FAM107B: variants seen among roughly 807,000 people sequenced by gnomAD.
FAM107B encodes the protein family with sequence similarity 107 member B.
A neutral mutation model predicts 31.5 loss-of-function variants in FAM107B; 21 were observed. The ratio of observed to expected loss-of-function variants is 0.67; its 90% CI spans 0.47 to 0.96. FAM107B has a LOEUF of 0.96. FAM107B is among the 40% of genes least tolerant of loss of function. The pLI is 0.00. For missense variants in FAM107B, 452 were observed against 377.1 expected (o/e 1.20, Z -1.64); for synonymous variants, 157 against 141.5 (o/e 1.11, Z -0.78).
intron 2 of FAM107B, among the ~76,000 whole-genome samples, chr10:14,604,808 T>C (rs763626137): frequency 3.1e-4 from 47 of 152,094 alleles, no homozygotes; most frequent in Non-Finnish European, 6.0e-4. Flanking sequence ...TCTTTCTCTC[T>C]CCCTTAATCT....
chr10:14,530,073 A>T (rs1180652067), intron 3 of FAM107B: 2 of 364,386 alleles, frequency 5.5e-6, no homozygotes, highest in African/African-American at 4.2e-5. Context: ...CGAATTTGGA[A>T]ATACACATCC....
chr10:14,556,474 T>C (rs1051776011), intron 2 of FAM107B: 2 of 952,260 alleles, frequency 2.1e-6, no homozygotes, highest in African/African-American at 3.5e-5. Context: ...ATATTCATAT[T>C]TGTCAAGCCC....
intron 2 of FAM107B, among the ~76,000 whole-genome samples, chr10:14,565,082 T>C (rs1053272229): frequency 2.0e-5 from 3 of 152,132 alleles, no homozygotes; most frequent in African/African-American, 4.8e-5. Flanking sequence ...CTTTAAAAAA[T>C]TGGGCTGAAA....
chr10:14,744,045 G>A (rs1003909271), intron 1 of FAM107B, among the ~76,000 whole-genome samples: 2 of 152,132 alleles, frequency 1.3e-5, no homozygotes. Context: ...GTGGTTTGTA[G>A]TTCTCCTTGA....
intron 1 of FAM107B, among the ~76,000 whole-genome samples, chr10:14,737,884 C>T (rs1222994444): frequency 6.6e-6 from 1 of 151,568 alleles, no homozygotes; most frequent in Non-Finnish European, 1.5e-5. Flanking sequence ...GCAGTTCATC[C>T]CCCTGACTGG....
chr10:14,533,349 G>C (rs1847237493), intron 2 of FAM107B, among the ~76,000 whole-genome samples: 1 of 152,166 alleles, frequency 6.6e-6, no homozygotes, highest in African/African-American at 2.4e-5. Flanking sequence ...AGGAATCAAG[G>C]ATGACTTGGA....
At chr10:14,701,259 T>C (rs1029619128) in intron 1 of FAM107B, among the ~76,000 whole-genome samples, 2 of 152,100 alleles carry the variant, frequency 1.3e-5, no homozygotes, top group African/African-American at 4.8e-5. Context: ...TTTATTTATT[T>C]TTTGAGACAG....
At position 14,610,716 on chromosome 10, in the gene FAM107B, T is replaced by C. The variant is rs947280603; in HGVS notation, c.469+56918A>G. Among the ~76,000 whole-genome samples the C allele has an allele frequency of 4.6e-5, 7 of 152,240 alleles. No homozygotes were observed. In the South Asian group the frequency reaches 8.3e-4, roughly 18 times the overall value. On this transcript the variant is annotated intron_variant, in intron 2 of 4. Transcript: ENST00000181796. ...GCATGAGCATTTGTGATCACAGGAA[T>C]GGAATTACTTCATTAAATATGCTAA... is the stretch of plus-strand genomic sequence containing the variant.
chr10:14,694,240 G>C (rs147337006), intron 1 of FAM107B, among the ~76,000 whole-genome samples: 204 of 152,270 alleles, frequency 1.3e-3, no homozygotes, highest in African/African-American at 4.7e-3. Context: ...GTCTAACAGA[G>C]GGATTGCTAG....
chr10:14,756,086 T>C (rs1459801462), intron 1 of FAM107B, among the ~76,000 whole-genome samples: 3 of 152,174 alleles, frequency 2.0e-5, no homozygotes, highest in African/African-American at 7.2e-5. Flanking sequence ...CCCTGGCACA[T>C]AGGAAGAGCT....
chr10:14,541,965 T>C (rs1340268056), intron 2 of FAM107B, among the ~76,000 whole-genome samples: 1 of 152,096 alleles, frequency 6.6e-6, no homozygotes, highest in Non-Finnish European at 1.5e-5. Flanking sequence ...TATTAAAACG[T>C]ACTGAATGGG....
chr10:14,526,985 C>T (rs1415182961), intron 3 of FAM107B, among the ~76,000 whole-genome samples: 2 of 151,924 alleles, frequency 1.3e-5, no homozygotes, highest in Admixed American at 1.3e-4. Context: ...CTACAGGTGC[C>T]CACCAACACG....
In FAM107B at chr10:14,774,659, G is replaced by T; in HGVS notation, c.5C>A (p.Ser2Tyr). 6.2e-7 allele frequency: 1 copy of T among 1,612,044 alleles called. No individual in the cohort carries two copies. The highest frequency in any genetic ancestry group is 8.5e-7 in the Non-Finnish European group (1 of 1,178,756). The change falls in exon 1 of 5, where the codon TCC becomes TAC. Residue 2 changes from serine to tyrosine, a missense_variant. Physicochemically the swap from Ser to Tyr is moderately radical, Grantham distance 144. Transcript: ENST00000181796. M[S>Y]TWKARLTKRL... ...TTTGGTGAGTCTTGCTTTCCACGTG[G>T]ACATGACTTGCAGTGAATCATTGCA...
intron 2 of FAM107B, among the ~76,000 whole-genome samples, chr10:14,590,264 ATCTT>A (rs1851972251): frequency 6.6e-6 from 1 of 152,208 alleles, no homozygotes; most frequent in South Asian, 2.1e-4. Context: ...TAGTTTTCAC[ATCTT>A]TCTTTTAGGA....
chr10:14,589,117 A>G lies in FAM107B; in HGVS notation c.470-58602T>C, dbSNP rs533387163. Among the ~76,000 whole-genome samples, 7 of 151,548 alleles carry G rather than the reference A, an allele frequency of 4.6e-5. No homozygotes were observed. The South Asian group carries it at 1.3e-3, about 27-fold the overall frequency. On this transcript the variant is annotated intron_variant, in intron 2 of 4. Transcript: ENST00000181796. Reference sequence around the variant, plus strand: ...GAATCACTTGAGCCCAGGAGGTTGCAGTGAGCCGAGATAACATCACTGCAC... The same window carrying G: ...GAATCACTTGAGCCCAGGAGGTTGCGGTGAGCCGAGATAACATCACTGCAC...
chr10:14,655,786 T>G (rs990361570), intron 2 of FAM107B, among the ~76,000 whole-genome samples: 5 of 152,170 alleles, frequency 3.3e-5, no homozygotes, highest in Admixed American at 6.5e-5. Context: ...GGCTTAACCC[T>G]CCTGGGGATC....
At chr10:14,667,939 T>C (rs751368852) in intron 1 of FAM107B, among the ~76,000 whole-genome samples, 55 of 152,208 alleles carry the variant, frequency 3.6e-4, no homozygotes, top group Non-Finnish European at 7.5e-4. Flanking sequence ...GTAGTGTCTA[T>C]GCATGTTGTC....
At chr10:14,553,753 AAAC>A (rs1849465851) in intron 2 of FAM107B, among the ~76,000 whole-genome samples, 1 of 152,218 alleles carries the variant, frequency 6.6e-6, no homozygotes, top group Non-Finnish European at 1.5e-5. Context: ...TCAGCAGCAA[AAAC>A]AACAAAAATA....
chr10:14,669,361 C>T (rs1854486303), intron 1 of FAM107B, among the ~76,000 whole-genome samples: 1 of 66,508 alleles, frequency 1.5e-5, no homozygotes, highest in Admixed American at 1.7e-4. Flanking sequence ...CAGAGCGAGA[C>T]TCTGTCAAAA....
Sources: allele counts gnomAD v4.1 joint callset (sites outside exome capture counted in the v4.1 genomes callset), GRCh38; gene constraint gnomAD v4.1.1; transcripts MANE v1.5; gene names NCBI Gene and HGNC (gene_info 2026-07-23, HGNC 2026-07-21).